The following SPAG16 variants were observed in gnomAD, a reference collection of about 807,000 sequenced individuals.
SPAG16 encodes sperm associated antigen 16.
SPAG16 carries 86 observed loss-of-function variants against 80.4 expected under a neutral mutation model. The observed-to-expected ratio is 1.07, with a 90% CI of 0.90 to 1.28. The LOEUF (loss-of-function observed/expected upper bound fraction) is 1.28. SPAG16 is among the 50% of genes most tolerant of loss of function. The pLI is 0.00. For synonymous variants in SPAG16, 294 were observed against 265.9 expected, an observed-to-expected ratio of 1.11 and a Z score of -1.03; for missense variants, 870 against 765.3, an observed-to-expected ratio of 1.14 and a Z score of -1.61.
At chr2:213,464,411 G>C (rs922839059) in intron 9 of SPAG16, among the ~76,000 whole-genome samples, 16 of 152,160 alleles carry the variant, frequency 1.1e-4, no homozygotes, top group South Asian at 1.0e-3. Context: ...TAGTGCCTTT[G>C]AGTCCCCCTG....
intron 10 of SPAG16, among the ~76,000 whole-genome samples, chr2:213,750,353 TATC>T (rs1202236863): frequency 5.9e-5 from 9 of 152,350 alleles, no homozygotes; most frequent in African/African-American, 2.2e-4. Context: ...TCGAAATATG[TATC>T]ACAATTTCAA....
At chr2:214,131,211 C>CA (rs1399457610) in intron 14 of SPAG16, among the ~76,000 whole-genome samples, 5 of 151,254 alleles carry the variant, frequency 3.3e-5, no homozygotes, top group Middle Eastern at 6.9e-3. Flanking sequence ...CCATCTCTAC[C>CA]AAAAAAAAGT....
chr2:214,329,816 T>C (rs908606068), intron 15 of SPAG16, among the ~76,000 whole-genome samples: 2 of 152,038 alleles, frequency 1.3e-5, no homozygotes, highest in Admixed American at 6.6e-5. Flanking sequence ...CCTGGAGAAA[T>C]ATCACAAGAC....
intron 13 of SPAG16, among the ~76,000 whole-genome samples, chr2:214,096,367 G>A (rs3213779): frequency 1.3e-5 from 2 of 151,478 alleles, no homozygotes; most frequent in African/African-American, 4.9e-5. Flanking sequence ...AACTCTGTTC[G>A]GCTCAATCAC....
rs2062617256 is a variant in SPAG16 at position 213,299,051 on chromosome 2, T to A, written c.279+1694T>A. ...TAAAGAATACTTATTGCTTGTTAAA[T>A]CCATTTTTTGTTCTGATCTTATATA... On this transcript the variant is annotated intron_variant, in intron 3 of 15. Coordinates refer to ENST00000331683, the MANE Select transcript of SPAG16 (RefSeq NM_024532.5). 2.0e-5 allele frequency among the ~76,000 whole-genome samples: 3 copies of A among 152,200 alleles called. No homozygotes were observed. In the South Asian group the frequency reaches 6.2e-4, roughly 31 times the overall value.
chr2:213,359,187 C>T (rs958551742), intron 7 of SPAG16, among the ~76,000 whole-genome samples: 10 of 152,264 alleles, frequency 6.6e-5, no homozygotes, highest in Middle Eastern at 6.8e-3. Context: ...AGGTATCAGT[C>T]GGCCCCTACT....
At chr2:213,786,974 T>C (rs2070382339) in intron 10 of SPAG16, among the ~76,000 whole-genome samples, 1 of 152,190 alleles carries the variant, frequency 6.6e-6, no homozygotes, top group Non-Finnish European at 1.5e-5. Flanking sequence ...AAATGAAGGT[T>C]ATTTATTAGT....
intron 10 of SPAG16, among the ~76,000 whole-genome samples, chr2:213,797,094 AAT>A (rs1427303430): frequency 6.6e-6 from 1 of 152,114 alleles, no homozygotes; most frequent in Non-Finnish European, 1.5e-5. Context: ...ATAGAATAAG[AAT>A]ATAAGGAAAA....
At chr2:213,410,361 A>G (rs1048115315) in intron 9 of SPAG16, among the ~76,000 whole-genome samples, 2 of 152,230 alleles carry the variant, frequency 1.3e-5, no homozygotes, top group Non-Finnish European at 2.9e-5. Flanking sequence ...CTATTTCAGA[A>G]AAGGAAAAGT....
intron 10 of SPAG16, among the ~76,000 whole-genome samples, chr2:213,559,791 T>C (rs2125978850): frequency 6.6e-6 from 1 of 152,208 alleles, no homozygotes; most frequent in African/African-American, 2.4e-5. Context: ...ATGTTATTAT[T>C]TCATAGAACA....
chr2:213,701,728 C>T (rs993038280), intron 10 of SPAG16, among the ~76,000 whole-genome samples: 9 of 151,926 alleles, frequency 5.9e-5, no homozygotes, highest in African/African-American at 1.2e-4. Flanking sequence ...TATGTCTAGC[C>T]GGAGGATTGT....
intron 10 of SPAG16, among the ~76,000 whole-genome samples, chr2:213,671,184 CT>C (rs1455887946): frequency 6.6e-6 from 1 of 152,100 alleles, no homozygotes; most frequent in Non-Finnish European, 1.5e-5. Flanking sequence ...TAAAACAAAG[CT>C]TTGACTGATA....
At chr2:214,048,000 C>A (rs1226885893) in intron 13 of SPAG16, among the ~76,000 whole-genome samples, 1 of 152,106 alleles carries the variant, frequency 6.6e-6, no homozygotes, top group Non-Finnish European at 1.5e-5. Context: ...TATCATGTCA[C>A]CCCAGTTAAA....
At chr2:214,140,955 G>T (rs1465570773) in intron 14 of SPAG16, among the ~76,000 whole-genome samples, 2 of 82,160 alleles carry the variant, frequency 2.4e-5, no homozygotes, top group Non-Finnish European at 5.4e-5. Context: ...GGTGGGGGGT[G>T]GGGGGATGTG....
chr2:214,374,463 T>G (rs1313989944), intron 15 of SPAG16, among the ~76,000 whole-genome samples: 6 of 152,236 alleles, frequency 3.9e-5, no homozygotes, highest in Non-Finnish European at 8.8e-5. Context: ...ATAAAAAGTA[T>G]GCCTGTTCAC....
intron 15 of SPAG16, among the ~76,000 whole-genome samples, chr2:214,332,782 T>G (rs978012569): frequency 6.6e-6 from 1 of 152,086 alleles, no homozygotes; most frequent in African/African-American, 2.4e-5. Flanking sequence ...CCTCCTCACA[T>G]TTGATTTTTC....
At chr2:213,445,283 A>G (rs1190332224) in intron 9 of SPAG16, among the ~76,000 whole-genome samples, 1 of 152,250 alleles carries the variant, frequency 6.6e-6, no homozygotes. Flanking sequence ...ACCAGAGTAT[A>G]TAAGGAATTC....
At chr2:213,449,366 G>C (rs1169039990) in intron 9 of SPAG16, among the ~76,000 whole-genome samples, 3 of 152,078 alleles carry the variant, frequency 2.0e-5, no homozygotes, top group Admixed American at 6.6e-5. Context: ...TGTGATCTTT[G>C]TTAGACCCTT....
At chr2:213,416,985 G>A (rs1263484183) in intron 9 of SPAG16, among the ~76,000 whole-genome samples, 1 of 152,216 alleles carries the variant, frequency 6.6e-6, no homozygotes, top group Non-Finnish European at 1.5e-5. Context: ...CAGGCTCTAA[G>A]CTGTAAGTGT....
Sources: gnomAD v4.1 joint callset for allele counts (sites outside exome capture counted in the v4.1 genomes callset) on GRCh38, gnomAD v4.1.1 for gene constraint, MANE v1.5 for transcripts, NCBI Gene and HGNC (gene_info 2026-07-23, HGNC 2026-07-21) for gene names.